The following DNAJC10 variants were observed in gnomAD, a reference collection of about 807,000 sequenced individuals.
DNAJC10 encodes endoplasmic reticulum disulfide reductase DNAJC10.
A neutral mutation model predicts 115.0 loss-of-function variants in DNAJC10; 101 were observed. The observed-to-expected ratio is 0.88, with a 90% CI of 0.75 to 1.04. The LOEUF is 1.04. DNAJC10 is among the 50% of genes least tolerant of loss of function. The probability of loss-of-function intolerance (pLI) is 0.00; values close to 1 mark genes in which losing one functional copy is unlikely to be tolerated. For missense variants in DNAJC10, 981 were observed against 928.8 expected, an observed-to-expected ratio of 1.06 and a Z score of -0.73; for synonymous variants, 307 against 301.5, an observed-to-expected ratio of 1.02 and a Z score of -0.19.
In DNAJC10 at chr2:182,778,912, A is replaced by C. The variant is rs1322313956; in HGVS notation, c.*1780A>C. 1.3e-5 allele frequency: 2 copies of C among 152,222 alleles called. No homozygotes were observed. The highest frequency in any genetic ancestry group is 2.9e-5 in the Non-Finnish European group (2 of 68,046). The allele number at this position is 152,222 out of a possible 1,614,324, so 9.4% of individuals were successfully genotyped here. A position where few individuals can be genotyped will look rare whatever the true frequency, so the allele number is the denominator to read the frequency against. ...TTACTAAAATATACTGGTTATGTGC[A>C]TATCACCACACTGGACACTGAGGAG... On this transcript the variant is annotated 3_prime_UTR_variant, in exon 24 of 24. Transcript: ENST00000264065.
chr2:182,739,232 A>T (rs936481644), intron 11 of DNAJC10, among the ~76,000 whole-genome samples: 2 of 146,080 alleles, frequency 1.4e-5, no homozygotes, highest in African/African-American at 5.0e-5. Flanking sequence ...TCTCATATAT[A>T]TTTATATATA....
intron 12 of DNAJC10, 45 bp downstream of exon 12, chr2:182,740,433 A>G (rs1553489386): frequency 1.3e-6 from 2 of 1,511,168 alleles, no homozygotes; most frequent in South Asian, 1.4e-5. Context: ...AATGTTCGTA[A>G]CATTTCAGGT....
In DNAJC10 at chr2:182,757,753, C is replaced by T; in HGVS notation, c.1871C>T (p.Ala624Val). 5 of 1,601,540 alleles carry T rather than the reference C, an allele frequency of 3.1e-6. No homozygotes were observed. Among genetic ancestry groups the T allele is most frequent in the Non-Finnish European group, 4.3e-6 (5 of 1,171,966 alleles). The change falls in exon 19 of 24, where the codon GCC becomes GTC. Residue 624 changes from alanine to valine, a missense_variant. Physicochemically the swap from Ala to Val is moderately conservative, Grantham distance 64. Coordinates refer to ENST00000264065, the MANE Select transcript of DNAJC10 (RefSeq NM_018981.4). ...TGCCAACAGTATCATTCTTTTTGTG[C>T]CCAGGAAAACGTTCAAAGATACCCT... is the stretch of plus-strand genomic sequence containing the variant. The part of the protein sequence containing the change: ...IDCQQYHSFC[A>V]QENVQRYPEI...
At chr2:182,735,284 A>G (rs1693556171) in intron 10 of DNAJC10, among the ~76,000 whole-genome samples, 1 of 151,784 alleles carries the variant, frequency 6.6e-6, no homozygotes, top group African/African-American at 2.4e-5. Flanking sequence ...AACAGAAATT[A>G]TTTTACTACC....
chr2:182,755,082 A>T lies in DNAJC10; in HGVS notation c.1631A>T (p.Glu544Val). Residue 544 changes from glutamate to valine, a missense_variant, in exon 17 of 24, where the codon GAA (glutamate) becomes GTA (valine). Coordinates refer to ENST00000264065, the MANE Select transcript of DNAJC10 (RefSeq NM_018981.4). The stretch of plus-strand genomic sequence containing the variant: ...GAGTATGAAGGACATCACTCTGCTG[A>T]ACAAATCTTGGAGTTCATAGAGGTA... ...IHEYEGHHSA[E>V]QILEFIEDLM... 3 of 1,605,532 alleles carry T rather than the reference A, an allele frequency of 1.9e-6. No individual in the cohort carries two copies. The highest frequency in any genetic ancestry group is 2.6e-6 in the Non-Finnish European group (3 of 1,172,398).
chr2:182,732,806 A>G (rs1015737921), intron 10 of DNAJC10: 11 of 467,836 alleles, frequency 2.4e-5, no homozygotes, highest in Non-Finnish European at 3.7e-5. Flanking sequence ...CTGAAGTTAC[A>G]TGTTAGTGTT....
intron 10 of DNAJC10, 193 bp downstream of exon 10, chr2:182,732,735 G>A (rs17356762): frequency 0.48 from 273,809 of 564,890 alleles, 73,425 homozygotes; most frequent in Middle Eastern, 0.58. Context: ...TTTTAACGTG[G>A]TATCAATTCT....
At chr2:182,719,798 CTTTTTTTTT>C (rs35682380) in intron 3 of DNAJC10, among the ~76,000 whole-genome samples, 200 bp from the exon 4 acceptor site, 5 of 122,200 alleles carry the variant, frequency 4.1e-5, no homozygotes, top group Non-Finnish European at 8.3e-5. Context: ...ACTTTTCTTA[CTTTTTTTTT>C]TTTTTTTTTG....
At chr2:182,756,841 G>A (rs918108385) in intron 18 of DNAJC10, among the ~76,000 whole-genome samples, 3 of 152,144 alleles carry the variant, frequency 2.0e-5, no homozygotes, top group Non-Finnish European at 2.9e-5. Flanking sequence ...GTTTTGCCAT[G>A]TTGGCCAGGC....
At chr2:182,760,850 G>T (rs1306185917) in intron 21 of DNAJC10, among the ~76,000 whole-genome samples, 1 of 152,108 alleles carries the variant, frequency 6.6e-6, no homozygotes, top group East Asian at 1.9e-4. Context: ...TTATTAGCTG[G>T]TGCATCAGAT....
intron 14 of DNAJC10, among the ~76,000 whole-genome samples, chr2:182,747,760 C>T (rs1396276953): frequency 1.4e-5 from 2 of 143,080 alleles, no homozygotes; most frequent in African/African-American, 2.6e-5. Context: ...GAACTTCCAA[C>T]ACTATGTTGA....
At chr2:182,728,809 C>T in intron 6 of DNAJC10, 54 bp from the exon 7 acceptor site, 2 of 1,599,460 alleles carry the variant, frequency 1.3e-6, no homozygotes, top group Non-Finnish European at 1.7e-6. Context: ...GGAGTGTGTT[C>T]AAGGGAAGAA....
At chr2:182,767,957 G>A (rs1231706950) in intron 22 of DNAJC10, among the ~76,000 whole-genome samples, 1 of 151,986 alleles carries the variant, frequency 6.6e-6, no homozygotes, top group Non-Finnish European at 1.5e-5. Context: ...ATTTTTCCAT[G>A]CCCCAACCTC....
Position 182,777,107 on chromosome 2 carries a change from CATTATT to C in DNAJC10, c.2371-8_2371-3del. The C allele has an allele frequency of 7.2e-7, 1 of 1,395,684 alleles. No individual in the cohort carries two copies. Among genetic ancestry groups the C allele is most frequent in the African/African-American group, 1.5e-5 (1 of 68,852 alleles). The allele number at this position is 1,395,684 out of a possible 1,614,324, so 86.5% of individuals were successfully genotyped here. A position where few individuals can be genotyped will look rare whatever the true frequency, so the allele number is the denominator to read the frequency against. ...CTTTCTCCTTTCTCTATCGCCTTTA[CATTATT>C]ATTATAGGATGAACTTTGATAATGT... On this transcript the variant is annotated splice_polypyrimidine_tract_variant and splice_region_variant and intron_variant, in intron 23 of 23. Transcript: ENST00000264065.
intron 12 of DNAJC10, among the ~76,000 whole-genome samples, chr2:182,740,899 A>C (rs1489357598): frequency 1.3e-5 from 2 of 152,102 alleles, no homozygotes; most frequent in Non-Finnish European, 2.9e-5. Flanking sequence ...AGATCTTTTG[A>C]AGTCTGTATC....
intron 14 of DNAJC10, among the ~76,000 whole-genome samples, chr2:182,745,597 G>T (rs1271098584): frequency 1.3e-5 from 2 of 151,958 alleles, no homozygotes; most frequent in African/African-American, 4.8e-5. Context: ...CAGTACTGAG[G>T]AATAGGAAAA....
chr2:182,749,466 C>G (rs987592911), intron 14 of DNAJC10, among the ~76,000 whole-genome samples: 9 of 149,202 alleles, frequency 6.0e-5, no homozygotes, highest in Non-Finnish European at 1.0e-4. Flanking sequence ...TTATCAGAGA[C>G]TAGGATTGCA....
rs1694867187 is a variant in DNAJC10, at chr2:182,782,379, G to T, written c.*5247G>T. On this transcript the variant is annotated 3_prime_UTR_variant, in exon 24 of 24. Transcript: ENST00000264065. Reference sequence around the variant, plus strand: ...TAGTATAGTTCGTTCTTTTTGCTTAGGATTGCCTTGGCTATATGGGCTCTT... The same window carrying T: ...TAGTATAGTTCGTTCTTTTTGCTTATGATTGCCTTGGCTATATGGGCTCTT... 2 of 151,566 alleles carry T rather than the reference G, an allele frequency of 1.3e-5. No homozygotes were observed. Among genetic ancestry groups the T allele is most frequent in the African/African-American group, 4.8e-5 (2 of 41,308 alleles). 9.4% of individuals were successfully genotyped at this position (151,566 alleles called of 1,614,324 possible).
intron 8 of DNAJC10, among the ~76,000 whole-genome samples, chr2:182,730,710 A>G (rs1693422442): frequency 6.6e-6 from 1 of 152,178 alleles, no homozygotes; most frequent in South Asian, 2.1e-4. Flanking sequence ...AAAAAGATCA[A>G]TAATTGGGTC....
Sources: gnomAD v4.1 joint callset for allele counts (sites outside exome capture counted in the v4.1 genomes callset) on GRCh38, gnomAD v4.1.1 for gene constraint, MANE v1.5 for transcripts, NCBI Gene and HGNC (gene_info 2026-07-23, HGNC 2026-07-21) for gene names.